Variants in DAB1 observed in about 807,000 individuals in gnomAD.
DAB1 encodes the protein disabled homolog 1.
DAB1 carries 15 observed loss-of-function variants against 64.6 expected under a neutral mutation model. That is an observed-to-expected ratio of 0.23 (90% CI 0.16 to 0.36). DAB1 has a LOEUF of 0.36. Ranked by LOEUF, DAB1 falls within the 10% of genes least tolerant of loss-of-function variation. The pLI is 1.00. For synonymous variants in DAB1, 235 were observed against 251.9 expected (o/e 0.93, Z 0.64); for missense variants, 596 against 706.7 (o/e 0.84, Z 1.78).
chr1:57,898,481 C>A (rs947098067), intron 5 of DAB1, among the ~76,000 whole-genome samples: 4 of 152,122 alleles, frequency 2.6e-5, no homozygotes, highest in African/African-American at 9.7e-5. Context: ...AATTACAAAT[C>A]CACATGAAGT....
chr1:57,451,632 C>A lies in DAB1; in HGVS notation n.626-160466G>T, dbSNP rs554975871. 2.4e-4 allele frequency among the ~76,000 whole-genome samples: 36 copies of A among 152,268 alleles called. No homozygotes were observed. The South Asian group carries it at 7.5e-3, about 32-fold the overall frequency. On this transcript the variant is annotated intron_variant and non_coding_transcript_variant, in intron 7 of 20. Transcript: ENST00000485760. ...TTAGATAATTAAATTCTTAGAAAAT[C>A]ATTCCACATTTGAGGGAGAAGCGAA...
At chr1:57,892,836 A>G (rs1346460566) in intron 5 of DAB1, among the ~76,000 whole-genome samples, 2 of 152,182 alleles carry the variant, frequency 1.3e-5, no homozygotes, top group Non-Finnish European at 2.9e-5. Context: ...TAAATCATGT[A>G]TTTCCAAACT....
intron 7 of DAB1, among the ~76,000 whole-genome samples, chr1:57,629,844 T>G (rs529018827): frequency 2.0e-4 from 28 of 143,074 alleles, no homozygotes; most frequent in African/African-American, 6.0e-4. Context: ...AGGTTGAGGG[T>G]TTTTTTTTTC....
At chr1:58,228,702 C>A (rs1570513253) in intron 4 of DAB1, 2 of 1,138,932 alleles carry the variant, frequency 1.8e-6, no homozygotes, top group South Asian at 1.2e-5. Flanking sequence ...CTTAGCCTTG[C>A]CCTGGGGTTC....
chr1:58,493,311 T>C lies in DAB1; in HGVS notation n.257+12749A>G, dbSNP rs539380731. On this transcript the variant is annotated intron_variant and non_coding_transcript_variant, in intron 3 of 20. Transcript: ENST00000485760. ...TATGACAAACTCACAGCCAATATCA[T>C]ACTGAATGGGCAAAAATTGGAAGCA... 7.9e-5 allele frequency among the ~76,000 whole-genome samples: 12 copies of C among 152,310 alleles called. No individual in the cohort carries two copies. In the East Asian group the frequency reaches 2.3e-3, roughly 29 times the overall value.
At chr1:57,034,768 G>A (rs140059275) in intron 9 of DAB1, among the ~76,000 whole-genome samples, 20 of 152,200 alleles carry the variant, frequency 1.3e-4, no homozygotes, top group African/African-American at 4.1e-4. Flanking sequence ...GAGTTATTAC[G>A]CATGAATAGT....
intron 12 of DAB1, among the ~76,000 whole-genome samples, chr1:57,014,486 C>T (rs894269716): frequency 1.3e-5 from 2 of 152,142 alleles, no homozygotes; most frequent in African/African-American, 4.8e-5. Flanking sequence ...GCTATCTATA[C>T]GTAAATAAAT....
chr1:57,574,667 C>T (rs997775723), intron 7 of DAB1, among the ~76,000 whole-genome samples: 1 of 152,164 alleles, frequency 6.6e-6, no homozygotes, highest in Admixed American at 6.5e-5. Flanking sequence ...GGAGGGAAGA[C>T]TGCAGCTTTC....
chr1:58,274,126 C>T (rs1377638572), intron 4 of DAB1, among the ~76,000 whole-genome samples: 1 of 141,590 alleles, frequency 7.1e-6, no homozygotes, highest in Non-Finnish European at 1.5e-5. Context: ...CTGTTTTTTC[C>T]CCATCTTTGT....
chr1:57,604,369 T>G (rs903783913), intron 7 of DAB1, among the ~76,000 whole-genome samples: 2 of 149,940 alleles, frequency 1.3e-5, no homozygotes, highest in Non-Finnish European at 3.0e-5. Context: ...TGTAGAAAAC[T>G]AACAGGTTTT....
chr1:57,725,428 T>TA (rs1647196930), intron 6 of DAB1, among the ~76,000 whole-genome samples: 1 of 152,166 alleles, frequency 6.6e-6, no homozygotes, highest in African/African-American at 2.4e-5. Flanking sequence ...CTCCAGGCCC[T>TA]AAAACTTCAT....
At chr1:57,773,381 G>A (rs960579260) in intron 6 of DAB1, among the ~76,000 whole-genome samples, 11 of 136,406 alleles carry the variant, frequency 8.1e-5, no homozygotes, top group African/African-American at 1.3e-4. Flanking sequence ...ACACAGACAC[G>A]TACACACAAA....
chr1:57,318,408 G>A (rs1675402570), intron 1 of DAB1, among the ~76,000 whole-genome samples: 1 of 152,094 alleles, frequency 6.6e-6, no homozygotes, highest in African/African-American at 2.4e-5. Context: ...TTTAGATGCT[G>A]TCCCACAGCT....
rs1213457217 is a variant in DAB1 at position 57,965,476 on chromosome 1, T to C, written n.388-81314A>G. 2.6e-5 allele frequency among the ~76,000 whole-genome samples: 4 copies of C among 152,230 alleles called. No homozygotes were observed. In the East Asian group the frequency reaches 7.7e-4, roughly 29 times the overall value. On this transcript the variant is annotated intron_variant and non_coding_transcript_variant, in intron 5 of 20. Coordinates refer to the DAB1 transcript ENST00000485760. Reference sequence around the variant, plus strand: ...GAGTTGATAGGATCTGTGTCATAGGTGGTGAGGATACATTAAATAAATATG... The same window carrying C: ...GAGTTGATAGGATCTGTGTCATAGGCGGTGAGGATACATTAAATAAATATG...
chr1:58,373,114 A>G (rs532855717), intron 3 of DAB1, among the ~76,000 whole-genome samples: 145 of 152,144 alleles, frequency 9.5e-4, no homozygotes, highest in African/African-American at 3.3e-3. Flanking sequence ...AAAATAATAA[A>G]AATTAATAAA....
intron 7 of DAB1, among the ~76,000 whole-genome samples, chr1:57,590,529 C>T (rs1645432500): frequency 6.6e-6 from 1 of 151,994 alleles, no homozygotes; most frequent in Admixed American, 6.6e-5. Context: ...GATGGGGTTT[C>T]ACCATGTTGG....
intron 2 of DAB1, among the ~76,000 whole-genome samples, chr1:57,170,528 C>T (rs1003015167): frequency 5.9e-5 from 9 of 152,142 alleles, no homozygotes; most frequent in African/African-American, 2.4e-5. Context: ...GCAGACCTGT[C>T]AGGTACTTAC....
At chr1:58,268,742 T>G (rs1661235787) in intron 4 of DAB1, among the ~76,000 whole-genome samples, 1 of 152,182 alleles carries the variant, frequency 6.6e-6, no homozygotes, top group Admixed American at 6.6e-5. Context: ...ATGATAATTT[T>G]TGGGAAAAGT....
chr1:57,214,755 A>G (rs1201627672), intron 2 of DAB1, among the ~76,000 whole-genome samples: 2 of 151,884 alleles, frequency 1.3e-5, no homozygotes, highest in African/African-American at 4.8e-5. Flanking sequence ...CTAAAAATAC[A>G]AAAATATTAG....
Sources: gnomAD v4.1 joint callset for allele counts (sites outside exome capture counted in the v4.1 genomes callset) on GRCh38, gnomAD v4.1.1 for gene constraint, MANE v1.5 for transcripts, NCBI Gene and HGNC (gene_info 2026-07-23, HGNC 2026-07-21) for gene names.